ELMO1: variants seen among roughly 807,000 people sequenced by gnomAD.
ELMO1 encodes engulfment and cell motility 1.
Under a neutral mutation model 98.9 loss-of-function variants are expected in ELMO1, and 26 were observed. The observed-to-expected ratio is 0.26, with a 90% confidence interval of 0.19 to 0.36. The LOEUF (loss-of-function observed/expected upper bound fraction) is 0.36. Among genes scored for constraint, ELMO1 ranks in the 10% least tolerant of loss-of-function variants. ELMO1 has a pLI of 1.00. For missense variants in ELMO1, 627 were observed against 935.2 expected, an observed-to-expected ratio of 0.67 and a Z score of 4.30; for synonymous variants, 346 against 346.0, an observed-to-expected ratio of 1.00 and a Z score of 0.00.
chr7:37,073,143 T>C (rs939056994), intron 15 of ELMO1, among the ~76,000 whole-genome samples: 1 of 152,234 alleles, frequency 6.6e-6, no homozygotes, highest in Admixed American at 6.5e-5. Context: ...TAGCCAGAGG[T>C]GTTTTTTACA....
At chr7:37,008,780 C>T (rs1178742033) in intron 16 of ELMO1, among the ~76,000 whole-genome samples, 1 of 152,138 alleles carries the variant, frequency 6.6e-6, no homozygotes, top group Non-Finnish European at 1.5e-5. Flanking sequence ...GCATCCTACT[C>T]CATCAATGCA....
At chr7:36,857,555 T>A (rs1802299223) in intron 21 of ELMO1, among the ~76,000 whole-genome samples, 1 of 152,206 alleles carries the variant, frequency 6.6e-6, no homozygotes, top group Non-Finnish European at 1.5e-5. Context: ...CAGGAACACT[T>A]CTGCAGCACG....
intron 13 of ELMO1, among the ~76,000 whole-genome samples, chr7:37,179,742 T>C (rs1161590187): frequency 6.6e-6 from 1 of 152,204 alleles, no homozygotes; most frequent in Non-Finnish European, 1.5e-5. Flanking sequence ...GCTGCTAAGA[T>C]AAGCTGTACA....
At chr7:36,905,096 C>T (rs1427675372) in intron 16 of ELMO1, among the ~76,000 whole-genome samples, 6 of 152,128 alleles carry the variant, frequency 3.9e-5, no homozygotes, top group Non-Finnish European at 7.4e-5. Context: ...TGAGGAGACA[C>T]GGTGGGGGAA....
intron 13 of ELMO1, 31 bp downstream of exon 13, chr7:37,211,355 G>A: frequency 6.2e-7 from 1 of 1,613,558 alleles, no homozygotes; most frequent in Non-Finnish European, 8.5e-7. Context: ...GAGGCTGGAG[G>A]GAGAGCGCAT....
Position 36,855,491 on chromosome 7 carries a change from C to T in ELMO1, c.*60G>A. ...TCCAAGGCGTGGGTGTGTTTTCATT[C>T]CTCTCTCCTGTTAGCTAGGTGTTCC... On this transcript the variant is annotated 3_prime_UTR_variant, in exon 22 of 22. Transcript: ENST00000310758. The surrounding 1 kb of genome is among the most constrained non-coding windows in gnomAD (Gnocchi z 4.2). 6.2e-7 allele frequency: 1 copy of T among 1,604,706 alleles called. No homozygotes were observed.
At chr7:37,292,159 G>A (rs141379835) in intron 4 of ELMO1, among the ~76,000 whole-genome samples, 1 of 104,900 alleles carries the variant, frequency 9.5e-6, no homozygotes, top group African/African-American at 2.9e-5. Flanking sequence ...TGTGTTGGCC[G>A]GGCTGGTCTC....
intron 1 of ELMO1, among the ~76,000 whole-genome samples, chr7:37,347,269 G>T (rs1410550843): frequency 6.6e-6 from 1 of 152,160 alleles, no homozygotes; most frequent in Non-Finnish European, 1.5e-5. Flanking sequence ...GGGAAGAAAG[G>T]TTCTAGCCTG....
chr7:37,224,394 AAAG>A (rs1475046872), intron 9 of ELMO1, among the ~76,000 whole-genome samples: 2 of 152,244 alleles, frequency 1.3e-5, no homozygotes, highest in Non-Finnish European at 2.9e-5. Context: ...ATAAAATACA[AAAG>A]AAGAAGCTCA....
intron 2 of ELMO1, among the ~76,000 whole-genome samples, chr7:37,336,525 G>A (rs899113539): frequency 2.0e-5 from 3 of 152,100 alleles, no homozygotes; most frequent in Non-Finnish European, 4.4e-5. Context: ...AAAGAGTGTC[G>A]ACAGTGAACA....
chr7:36,907,771 C>T (rs1784065376), intron 16 of ELMO1, among the ~76,000 whole-genome samples: 1 of 152,224 alleles, frequency 6.6e-6, no homozygotes, highest in South Asian at 2.1e-4. Flanking sequence ...CACCACTCCT[C>T]TCTCCCATGC....
At chr7:37,059,143 C>T (rs1796540340) in intron 15 of ELMO1, among the ~76,000 whole-genome samples, 1 of 152,140 alleles carries the variant, frequency 6.6e-6, no homozygotes, top group Admixed American at 6.5e-5. Flanking sequence ...ATATTCACTC[C>T]AATATATTTC....
chr7:37,411,764 G>A (rs1263749322), intron 1 of ELMO1, among the ~76,000 whole-genome samples: 1 of 152,146 alleles, frequency 6.6e-6, no homozygotes, highest in Admixed American at 6.5e-5. Context: ...AATTATCAAA[G>A]ACACTTAATT....
chr7:37,313,939 C>T (rs1216570211), intron 4 of ELMO1, among the ~76,000 whole-genome samples: 1 of 152,218 alleles, frequency 6.6e-6, no homozygotes, highest in African/African-American at 2.4e-5. Flanking sequence ...AGGGCTGTTC[C>T]TTCCCTCCCT....
intron 16 of ELMO1, among the ~76,000 whole-genome samples, chr7:36,929,045 G>C (rs1448014548): frequency 1.3e-5 from 2 of 152,188 alleles, no homozygotes; most frequent in African/African-American, 4.8e-5. Context: ...ACTAAGAAAG[G>C]GCAGTTGAGA....
At chr7:37,420,873 C>T (rs1804444303) in intron 1 of ELMO1, among the ~76,000 whole-genome samples, 1 of 152,222 alleles carries the variant, frequency 6.6e-6, no homozygotes, top group Non-Finnish European at 1.5e-5. Context: ...CTTCGGATGC[C>T]TGTATCACAA....
At chr7:37,443,997 T>A (rs1337067815) in intron 1 of ELMO1, among the ~76,000 whole-genome samples, 1 of 152,202 alleles carries the variant, frequency 6.6e-6, no homozygotes, top group East Asian at 1.9e-4. Flanking sequence ...CTCAGACTCC[T>A]GGACTCAAGC....
intron 6 of ELMO1, among the ~76,000 whole-genome samples, chr7:37,253,577 G>T (rs1795473138): frequency 6.6e-6 from 1 of 152,164 alleles, no homozygotes; most frequent in African/African-American, 2.4e-5. Flanking sequence ...GGGCCTGTCA[G>T]AGGGTGAGAG....
At chr7:36,898,310 C>T (rs1562806888) in intron 16 of ELMO1, among the ~76,000 whole-genome samples, 1 of 152,224 alleles carries the variant, frequency 6.6e-6, no homozygotes, top group Non-Finnish European at 1.5e-5. Context: ...GTTGCGGAGA[C>T]ATCAGAAAAT....
Sources: gnomAD v4.1 joint callset for allele counts (sites outside exome capture counted in the v4.1 genomes callset) on GRCh38, gnomAD v4.1.1 for gene constraint, Gnocchi (gnomAD v3.1) non-coding constraint, MANE v1.5 for transcripts, NCBI Gene and HGNC (gene_info 2026-07-23, HGNC 2026-07-21) for gene names.